C3orf38: variants seen among roughly 807,000 people sequenced by gnomAD.
C3orf38 encodes the protein chromosome 3 open reading frame 38.
In C3orf38, 18 loss-of-function variants were observed where a neutral mutation model predicts 28.3. That is an observed-to-expected ratio of 0.64 (90% CI 0.44 to 0.94). The LOEUF is 0.94. Among genes scored for constraint, C3orf38 ranks in the 40% least tolerant of loss-of-function variants. The probability of loss-of-function intolerance (pLI) is 0.00; values close to 1 mark genes in which losing one functional copy is unlikely to be tolerated. For synonymous variants in C3orf38, 145 were observed against 138.1 expected (o/e 1.05, Z -0.35); for missense variants, 364 against 396.4 (o/e 0.92, Z 0.69).
chr3:88,156,472 T>G lies in C3orf38; in HGVS notation c.827T>G (p.Met276Arg). ...WKIKFINLKI[M>R]GESSLAPGTL... ...ATCAAATTTATCAACCTGAAAATTATGGGAGAGAGTTCCCTTGCTCCTGGA... is the reference window on the plus strand; with the variant it reads ...ATCAAATTTATCAACCTGAAAATTAGGGGAGAGAGTTCCCTTGCTCCTGGA... Residue 276 changes from methionine (M) to arginine (R), a missense_variant, in exon 3 of 3, where the codon ATG becomes AGG. Transcript: ENST00000318887. 1 of 1,614,202 alleles carries G rather than the reference T, an allele frequency of 6.2e-7. No individual in the cohort carries two copies. The highest frequency in any genetic ancestry group is 8.5e-7 in the Non-Finnish European group (1 of 1,180,036).
chr3:88,150,044 G>A lies in C3orf38; in HGVS notation c.-9G>A. 3.8e-6 allele frequency: 6 copies of A among 1,598,584 alleles called. 1 individual carries two copies. In the South Asian group the frequency reaches 5.6e-5, roughly 15 times the overall value. ...TTGTTGCCGTTGTCTTTCCCCCCCA[G>A]TCCCGGGGATGGAGATGTCGGGACT... On this transcript the variant is annotated 5_prime_UTR_variant, in exon 1 of 3. Transcript: ENST00000318887.
intron 1 of C3orf38, among the ~76,000 whole-genome samples, chr3:88,151,404 G>T (rs1707410249): frequency 6.6e-6 from 1 of 152,098 alleles, no homozygotes; most frequent in South Asian, 2.1e-4. Context: ...AGTTAAAACT[G>T]CCACTTTGAA....
rs1231666028 is a variant in C3orf38, at chr3:88,157,579, T to TA, written c.*945dup. ...GTATACACATATACATAAGTATACA[T>TA]ATACTCCCACATTATAACTTAGAAT... On this transcript the variant is annotated 3_prime_UTR_variant, in exon 3 of 3. Coordinates refer to ENST00000318887, the MANE Select transcript of C3orf38 (RefSeq NM_173824.4). 1 of 152,190 alleles carries TA rather than the reference T, an allele frequency of 6.6e-6. No homozygotes were observed. 9.4% of individuals were successfully genotyped at this position (152,190 alleles called of 1,614,324 possible).
intron 1 of C3orf38, among the ~76,000 whole-genome samples, chr3:88,151,507 G>A (rs1027537910): frequency 9.9e-5 from 15 of 152,098 alleles, no homozygotes; most frequent in Non-Finnish European, 2.1e-4. Flanking sequence ...ATCTCTCAGG[G>A]ATCTTGTTAA....
In C3orf38 at chr3:88,157,578, A is replaced by G. The variant is rs1255878902; in HGVS notation, c.*943A>G. On this transcript the variant is annotated 3_prime_UTR_variant, in exon 3 of 3. Transcript: ENST00000318887. ...TGTATACACATATACATAAGTATACATATACTCCCACATTATAACTTAGAA... is the reference window on the plus strand; with the variant it reads ...TGTATACACATATACATAAGTATACGTATACTCCCACATTATAACTTAGAA... 2.0e-5 allele frequency: 3 copies of G among 152,188 alleles called. No homozygotes were observed. The highest frequency in any genetic ancestry group is 4.4e-5 in the Non-Finnish European group (3 of 68,028). The allele number at this position is 152,188 out of a possible 1,614,324, so 9.4% of individuals were successfully genotyped here.
At chr3:88,150,433 T>C (rs1707392958) in intron 1 of C3orf38, among the ~76,000 whole-genome samples, 1 of 152,212 alleles carries the variant, frequency 6.6e-6, no homozygotes. Context: ...ATAAGTCATT[T>C]AAATTTTTAA....
chr3:88,153,138 T>A, intron 1 of C3orf38, 92 bp from the exon 2 acceptor site: 1 of 1,198,714 alleles, frequency 8.3e-7, no homozygotes, highest in Non-Finnish European at 1.2e-6. Context: ...GTGACGAGAG[T>A]TTATAAACAT....
At position 88,156,129 on chromosome 3, in the gene C3orf38, C is replaced by T. The variant is rs1707476246; in HGVS notation, c.484C>T (p.Pro162Ser). Reference sequence around the variant, plus strand: ...TAATTCTCAGAATCCTTTTCTAGGACCACCTCAAGATGAATGGGGACCACA... The same window carrying T: ...TAATTCTCAGAATCCTTTTCTAGGATCACCTCAAGATGAATGGGGACCACA... ...LLNSQNPFLGPPQDEWGPQHF... is the reference protein window; with the variant it reads ...LLNSQNPFLGSPQDEWGPQHF... Residue 162 changes from proline (P) to serine (S), a missense_variant, in exon 3 of 3, where the codon CCA becomes TCA. Transcript: ENST00000318887. 3 of 1,612,628 alleles carry T rather than the reference C, an allele frequency of 1.9e-6. No individual in the cohort carries two copies. Among genetic ancestry groups the T allele is most frequent in the Non-Finnish European group, 1.7e-6 (2 of 1,179,402 alleles).
rs1707439817 is a variant in C3orf38, at chr3:88,153,262, A to C, written c.166A>C (p.Ser56Arg). Reference sequence around the variant, plus strand: ...TCATGCAATATTAGCATACAGTCAAAGTGCAGAAGAACTTCTGAGGCGTAG... The same window carrying C: ...TCATGCAATATTAGCATACAGTCAACGTGCAGAAGAACTTCTGAGGCGTAG... Reference protein sequence around the residue: ...AVHAILAYSQSAEELLRRRKV... With the variant: ...AVHAILAYSQRAEELLRRRKV... The change falls in exon 2 of 3, where the codon AGT becomes CGT. Residue 56 changes from serine to arginine, a missense_variant. Coordinates refer to ENST00000318887, the MANE Select transcript of C3orf38 (RefSeq NM_173824.4). 6.2e-7 allele frequency: 1 copy of C among 1,613,562 alleles called. No individual in the cohort carries two copies. The highest frequency in any genetic ancestry group is 1.7e-5 in the Admixed American group (1 of 59,872).
In C3orf38 at chr3:88,156,913, A is replaced by G. The variant is rs1707487094; in HGVS notation, c.*278A>G. On this transcript the variant is annotated 3_prime_UTR_variant, in exon 3 of 3. Transcript: ENST00000318887. ...TTAATGCAAATAAATCCCACTTTAG[A>G]TCTTACAGCTAACTGTGTGCCTTAG... The G allele has an allele frequency of 6.0e-6, 2 of 332,848 alleles. No individual in the cohort carries two copies. Among genetic ancestry groups the G allele is most frequent in the African/African-American group, 4.2e-5 (2 of 47,090 alleles). 20.6% of individuals were successfully genotyped at this position (332,848 alleles called of 1,614,324 possible). A position where few individuals can be genotyped will look rare whatever the true frequency, so the allele number is the denominator to read the frequency against.
At chr3:88,151,151 T>A (rs1363070335) in intron 1 of C3orf38, 1 of 152,016 alleles carries the variant, frequency 6.6e-6, no homozygotes, top group Non-Finnish European at 1.5e-5. Flanking sequence ...AAGAAAAAAA[T>A]TCCCAGTTCA....
chr3:88,153,288 A>G lies in C3orf38; in HGVS notation c.192A>G (p.Arg64=), dbSNP rs1399876296. The G allele has an allele frequency of 1.3e-5, 21 of 1,613,734 alleles. No individual in the cohort carries two copies. Among genetic ancestry groups the G allele is most frequent in the Non-Finnish European group, 1.6e-5 (19 of 1,179,856 alleles). ...SQSAEELLRR[R]KVHREVIFKY... is the part of the protein sequence containing the mutation. ...GTGCAGAAGAACTTCTGAGGCGTAGAAAAGTCCACCGAGAAGTTATATTTA... is the reference window on the plus strand; with the variant it reads ...GTGCAGAAGAACTTCTGAGGCGTAGGAAAGTCCACCGAGAAGTTATATTTA... Residue 64 remains arginine (R), a synonymous_variant, in exon 2 of 3, where the codon AGA becomes AGG. Transcript: ENST00000318887.
chr3:88,152,978 G>T (rs1164411847), intron 1 of C3orf38, among the ~76,000 whole-genome samples: 1 of 152,000 alleles, frequency 6.6e-6, no homozygotes, highest in Non-Finnish European at 1.5e-5. Context: ...TCTTTAAGAG[G>T]AAATGCTAAA....
At chr3:88,153,747 A>T (rs1707446484) in intron 2 of C3orf38, among the ~76,000 whole-genome samples, 1 of 151,664 alleles carries the variant, frequency 6.6e-6, no homozygotes, top group South Asian at 2.1e-4. Context: ...AATTTTTAAA[A>T]TTTTTTGGTA....
At position 88,156,506 on chromosome 3, in the gene C3orf38, G is replaced by T; in HGVS notation, c.861G>T (p.Pro287=). Residue 287 remains proline, a synonymous_variant, in exon 3 of 3, where the codon CCG becomes CCT. Coordinates refer to ENST00000318887, the MANE Select transcript of C3orf38 (RefSeq NM_173824.4). ...GESSLAPGTL[P]KPSVKFEQSD... ...GTTCCCTTGCTCCTGGAACATTACC[G>T]AAACCATCTGTTAAATTTGAACAAA... is the stretch of plus-strand genomic sequence containing the variant. 6.2e-7 allele frequency: 1 copy of T among 1,614,106 alleles called. No individual in the cohort carries two copies. Among genetic ancestry groups the T allele is most frequent in the Non-Finnish European group, 8.5e-7 (1 of 1,180,032 alleles).
intron 2 of C3orf38, 58 bp downstream of exon 2, chr3:88,153,529 T>C: frequency 6.4e-7 from 1 of 1,563,164 alleles, no homozygotes; most frequent in Non-Finnish European, 8.7e-7. Context: ...ACTTTGTTGA[T>C]AATCCTAGAT....
At chr3:88,150,730 T>A (rs1297193996) in intron 1 of C3orf38, 1 of 152,576 alleles carries the variant, frequency 6.6e-6, no homozygotes, top group Non-Finnish European at 1.5e-5. Flanking sequence ...GTATTAGTGC[T>A]AAGTCTGATT....
chr3:88,152,130 A>T (rs1440752499), intron 1 of C3orf38, among the ~76,000 whole-genome samples: 1 of 152,194 alleles, frequency 6.6e-6, no homozygotes, highest in Non-Finnish European at 1.5e-5. Context: ...TTAAAATACA[A>T]GTGGGCCAGG....
intron 1 of C3orf38, chr3:88,151,024 T>C (rs1020264145): frequency 3.3e-5 from 5 of 152,234 alleles, no homozygotes; most frequent in Non-Finnish European, 5.9e-5. Flanking sequence ...TAGACTTATA[T>C]GGTTCTTCAG....
Sources: gnomAD v4.1 joint callset for allele counts (sites outside exome capture counted in the v4.1 genomes callset) on GRCh38, gnomAD v4.1.1 for gene constraint, MANE v1.5 for transcripts, NCBI Gene and HGNC (gene_info 2026-07-23, HGNC 2026-07-21) for gene names.